The following ADCY1 variants were observed in gnomAD, a reference collection of about 807,000 sequenced individuals.
ADCY1 encodes the protein adenylate cyclase type 1.
Under a neutral mutation model 105.4 loss-of-function variants are expected in ADCY1, and 28 were observed. The observed-to-expected ratio is 0.27, with a 90% CI of 0.20 to 0.36. ADCY1 has a LOEUF of 0.36. Among genes scored for constraint, ADCY1 ranks in the 10% least tolerant of loss-of-function variants. The pLI is 1.00. For synonymous variants in ADCY1, 655 were observed against 623.8 expected (o/e 1.05, Z -0.75); for missense variants, 977 against 1,434.2 (o/e 0.68, Z 5.15).
chr7:45,619,442 G>A (rs1043906346), intron 3 of ADCY1, among the ~76,000 whole-genome samples: 4 of 152,104 alleles, frequency 2.6e-5, no homozygotes, highest in African/African-American at 9.7e-5. Context: ...ATAACTGCAT[G>A]TTGTATACAT....
chr7:45,686,565 G>A lies in ADCY1; in HGVS notation c.2346G>A (p.Gly782=), dbSNP rs375315444. 13 of 1,611,920 alleles carry A rather than the reference G, an allele frequency of 8.1e-6. No individual in the cohort carries two copies. Among genetic ancestry groups the A allele is most frequent in the Non-Finnish European group, 1.1e-5 (13 of 1,178,512 alleles). The change falls in exon 14 of 20, where the codon GGG becomes GGA. Residue 782 remains glycine (G), a synonymous_variant. Coordinates refer to ENST00000297323, the MANE Select transcript of ADCY1 (RefSeq NM_021116.4). The surrounding 1 kb of genome is among the most constrained non-coding windows in gnomAD (Gnocchi z 4.3). ...CCCCCAGGGGTGGTGCCGTCTCCGG[G>A]CGCAGCTACGAGCCGATTGTGGCCA... ...YTRTGGGAVS[G]RSYEPIVAIL... is the part of the protein sequence containing the mutation.
chr7:45,659,264 C>A (rs1173515006), intron 6 of ADCY1, among the ~76,000 whole-genome samples: 1 of 152,242 alleles, frequency 6.6e-6, no homozygotes, highest in African/African-American at 2.4e-5. Flanking sequence ...TCCCTGCTTT[C>A]GTCCTCAGCC....
chr7:45,659,313 T>C (rs1158943498), intron 6 of ADCY1, among the ~76,000 whole-genome samples: 1 of 152,204 alleles, frequency 6.6e-6, no homozygotes, highest in Non-Finnish European at 1.5e-5. Context: ...GCTTTTCCCC[T>C]GCGAGGAGTT....
chr7:45,704,035 C>A (rs1562732077), intron 16 of ADCY1, among the ~76,000 whole-genome samples: 1 of 152,202 alleles, frequency 6.6e-6, no homozygotes, highest in Non-Finnish European at 1.5e-5. Context: ...CAGGGCTGGG[C>A]AGCCTCATCT....
intron 14 of ADCY1, among the ~76,000 whole-genome samples, chr7:45,688,310 C>T (rs190941654): frequency 9.2e-5 from 14 of 152,288 alleles, no homozygotes; most frequent in Non-Finnish European, 1.8e-4. Flanking sequence ...TTCCTGATGT[C>T]GTTGGCCACG....
At position 45,605,536 on chromosome 7, in the gene ADCY1, A is replaced by G. The variant is rs1157314071; in HGVS notation, c.790-4843A>G. ...CATAAATAGATGTTGAATTTTGTCA[A>G]ATTCTTTTTTGGTATCAATTGCTAT... On this transcript the variant is annotated intron_variant, in intron 2 of 19. Coordinates refer to ENST00000297323, the MANE Select transcript of ADCY1 (RefSeq NM_021116.4). Among the ~76,000 whole-genome samples the G allele has an allele frequency of 4.0e-5, 6 of 151,538 alleles. No homozygotes were observed. The East Asian group carries it at 1.2e-3, about 29-fold the overall frequency.
chr7:45,647,773 T>A lies in ADCY1; in HGVS notation c.1021-897T>A, dbSNP rs1271578055. The stretch of plus-strand genomic sequence containing the variant: ...GATTTTTCATAAAATGTTATTTATG[T>A]TAACATGCAGTGGATTCATTATTAT... On this transcript the variant is annotated intron_variant, in intron 4 of 19. Coordinates refer to ENST00000297323, the MANE Select transcript of ADCY1 (RefSeq NM_021116.4). The surrounding 1 kb of genome is among the most constrained non-coding windows in gnomAD (Gnocchi z 4.6). Among the ~76,000 whole-genome samples the A allele has an allele frequency of 6.6e-6, 1 of 152,244 alleles. No homozygotes were observed. Among genetic ancestry groups the A allele is most frequent in the Non-Finnish European group, 1.5e-5 (1 of 68,042 alleles).
At chr7:45,583,112 G>A (rs1792609545) in intron 1 of ADCY1, among the ~76,000 whole-genome samples, 1 of 152,242 alleles carries the variant, frequency 6.6e-6, no homozygotes, top group Admixed American at 6.5e-5. Context: ...GCCTCTGTAT[G>A]GGCATGTGCC....
chr7:45,693,499 C>A (rs1457484090), intron 14 of ADCY1, among the ~76,000 whole-genome samples: 1 of 145,576 alleles, frequency 6.9e-6, no homozygotes, highest in Non-Finnish European at 1.5e-5. Flanking sequence ...TTGATTATTG[C>A]CACAATTTCA....
At chr7:45,618,062 C>G (rs1793788234) in intron 3 of ADCY1, among the ~76,000 whole-genome samples, 3 of 152,090 alleles carry the variant, frequency 2.0e-5, no homozygotes, top group African/African-American at 7.2e-5. Flanking sequence ...ATAGAGAACC[C>G]AGAAGTAAAT....
At chr7:45,577,500 C>T (rs924625363) in intron 1 of ADCY1, among the ~76,000 whole-genome samples, 22 of 152,178 alleles carry the variant, frequency 1.4e-4, no homozygotes, top group African/African-American at 3.6e-4. Context: ...AGACAGCACA[C>T]GCATTTACAC....
In ADCY1 at chr7:45,708,853, C is replaced by T. The variant is rs992155054; in HGVS notation, c.2932+389C>T. 2.0e-5 allele frequency among the ~76,000 whole-genome samples: 3 copies of T among 152,326 alleles called. No homozygotes were observed. Among genetic ancestry groups the T allele is most frequent in the East Asian group, 1.9e-4 (1 of 5,188 alleles). On this transcript the variant is annotated intron_variant, in intron 18 of 19. Transcript: ENST00000297323. The surrounding 1 kb of genome is among the most constrained non-coding windows in gnomAD (Gnocchi z 4.7). ...AGGCCTTGACGGGAGCCCCACTGTG[C>T]GGACTCCAGCCGCCCTGTGTCTTCT...
intron 5 of ADCY1, among the ~76,000 whole-genome samples, chr7:45,656,462 G>A (rs1344321694): frequency 1.3e-5 from 2 of 152,250 alleles, no homozygotes; most frequent in African/African-American, 4.8e-5. Flanking sequence ...TCTGTGGTCT[G>A]GGCAGCCATC....
chr7:45,589,331 C>T (rs551802116), intron 1 of ADCY1, among the ~76,000 whole-genome samples: 45 of 152,166 alleles, frequency 3.0e-4, no homozygotes, highest in Middle Eastern at 3.4e-3. Flanking sequence ...TGGCCCGGGC[C>T]GGGCCGGGGT....
chr7:45,609,762 A>G (rs1215918777), intron 2 of ADCY1, among the ~76,000 whole-genome samples: 3 of 152,196 alleles, frequency 2.0e-5, no homozygotes, highest in African/African-American at 7.2e-5. Context: ...CCCTCAGTCC[A>G]GACAAGGAAA....
At chr7:45,598,363 T>C (rs902902160) in intron 2 of ADCY1, among the ~76,000 whole-genome samples, 2 of 152,182 alleles carry the variant, frequency 1.3e-5, no homozygotes, top group Non-Finnish European at 2.9e-5. Flanking sequence ...GCTAAAATGC[T>C]CCAAAGGGGT....
intron 14 of ADCY1, among the ~76,000 whole-genome samples, chr7:45,700,920 T>C (rs1393496680): frequency 6.6e-6 from 1 of 152,240 alleles, no homozygotes; most frequent in African/African-American, 2.4e-5. Context: ...TATTTTGTTC[T>C]CTTTTCCAAA....
chr7:45,585,796 G>C (rs1792706256), intron 1 of ADCY1, among the ~76,000 whole-genome samples: 1 of 152,136 alleles, frequency 6.6e-6, no homozygotes, highest in Non-Finnish European at 1.5e-5. Flanking sequence ...GTTTGTTCAA[G>C]GGTCAGAAAT....
chr7:45,633,956 G>A (rs2115986073), intron 4 of ADCY1, among the ~76,000 whole-genome samples: 1 of 152,208 alleles, frequency 6.6e-6, no homozygotes, highest in Non-Finnish European at 1.5e-5. Flanking sequence ...CTGCCCAATG[G>A]TAGGCTATTG....
Sources: gnomAD v4.1 joint callset for allele counts (sites outside exome capture counted in the v4.1 genomes callset) on GRCh38, gnomAD v4.1.1 for gene constraint, Gnocchi (gnomAD v3.1) non-coding constraint, MANE v1.5 for transcripts, NCBI Gene and HGNC (gene_info 2026-07-23, HGNC 2026-07-21) for gene names.